The following MAU2 variants were observed in gnomAD, a reference collection of about 807,000 sequenced individuals.
MAU2 encodes MAU2 chromatid cohesion factor homolog.
Under a neutral mutation model 89.1 loss-of-function variants are expected in MAU2, and 9 were observed. The observed-to-expected ratio is 0.10, with a 90% CI of 0.06 to 0.18. MAU2 has a LOEUF of 0.18. Among genes scored for constraint, MAU2 ranks in the 10% least tolerant of loss-of-function variants. MAU2 has a pLI of 1.00. For synonymous variants in MAU2, 357 were observed against 343.4 expected (o/e 1.04, Z -0.44); for missense variants, 425 against 803.5 (o/e 0.53, Z 5.69).
In MAU2 at chr19:19,339,557, GT is replaced by G. The variant is rs912817658; in HGVS notation, c.551+628del. ...GTCCACCGCCGCGTTTTTTTTTGTT[GT>G]TTTTTTTTTGTAGAGATAGGGTCTC... On this transcript the variant is annotated intron_variant, in intron 5 of 18. Coordinates refer to ENST00000262815, the MANE Select transcript of MAU2 (RefSeq NM_015329.4). 1.1e-3 allele frequency: 158 copies of G among 147,174 alleles called. 3 individuals carry two copies. The East Asian group carries it at 0.028, about 26-fold the overall frequency. The allele number at this position is 147,174 out of a possible 1,614,324, so 9.1% of individuals were successfully genotyped here.
chr19:19,337,144 T>G (rs1044196380), intron 3 of MAU2, 26 bp from the exon 4 acceptor site: 4 of 1,552,402 alleles, frequency 2.6e-6, no homozygotes, highest in Admixed American at 1.7e-5. Context: ...TTTCTTACAT[T>G]CCCAAACGTG....
In MAU2 at chr19:19,336,133, C is replaced by T. The variant is rs1199690679; in HGVS notation, c.306C>T (p.Phe102=). The T allele has an allele frequency of 2.5e-6, 4 of 1,612,818 alleles. No individual in the cohort carries two copies. Among genetic ancestry groups the T allele is most frequent in the South Asian group, 1.1e-5 (1 of 91,020 alleles). ...CTGGACGTCACTAGATCCCGCAGTT[C>T]GAAGATGTTAAATTTGAAGCAGCAA... ...AWLISQQIPQ[F]EDVKFEAASL... The change falls in exon 3 of 19, where the codon TTC becomes TTT. Residue 102 remains phenylalanine, a synonymous_variant. Coordinates refer to ENST00000262815, the MANE Select transcript of MAU2 (RefSeq NM_015329.4).
rs563692778 is a variant in MAU2 at position 19,348,492 on chromosome 19, G to A, written c.1309-397G>A. The A allele has an allele frequency of 1.0e-3, 383 of 365,326 alleles. 1 individual carries two copies. Among genetic ancestry groups the A allele is most frequent in the African/African-American group, 4.6e-3 (218 of 47,318 alleles). 22.6% of individuals were successfully genotyped at this position (365,326 alleles called of 1,614,324 possible). On this transcript the variant is annotated intron_variant, in intron 13 of 18. Coordinates refer to ENST00000262815, the MANE Select transcript of MAU2 (RefSeq NM_015329.4). The stretch of plus-strand genomic sequence containing the variant: ...GCAGCTAAATTATCAGTCAGATCAC[G>A]CCCCCATCAGAGCCTCCCGGGGTCC...
intron 1 of MAU2, among the ~76,000 whole-genome samples, chr19:19,326,090 C>T (rs532951277): frequency 6.6e-6 from 1 of 151,058 alleles, no homozygotes; most frequent in South Asian, 2.1e-4. Flanking sequence ...AACCTCCGCC[C>T]TCCGGGTTCA....
In MAU2 at chr19:19,358,545, T is replaced by C. The variant is rs2048204241; in HGVS notation, c.*2763T>C. 6.6e-6 allele frequency: 1 copy of C among 152,270 alleles called. No individual in the cohort carries two copies. Among genetic ancestry groups the C allele is most frequent in the Admixed American group, 6.5e-5 (1 of 15,286 alleles). The allele number at this position is 152,270 out of a possible 1,614,324, so 9.4% of individuals were successfully genotyped here. On this transcript the variant is annotated 3_prime_UTR_variant, in exon 19 of 19. Transcript: ENST00000262815. Reference sequence around the variant, plus strand: ...CTCTTCGTTTTGTTAAGGTTTTTAATAAGTACGTTTGGCATAATGTCTTTT... The same window carrying C: ...CTCTTCGTTTTGTTAAGGTTTTTAACAAGTACGTTTGGCATAATGTCTTTT...
rs1007286307 is a variant in MAU2 at position 19,358,494 on chromosome 19, A to C, written c.*2712A>C. ...GCCACCCAGCCCAGCATGGTGGCTC[A>C]ATTGGTTGGTTGCGTTGTCAGTTGT... is the stretch of plus-strand genomic sequence containing the variant. On this transcript the variant is annotated 3_prime_UTR_variant, in exon 19 of 19. Transcript: ENST00000262815. 5.3e-5 allele frequency: 8 copies of C among 152,152 alleles called. No homozygotes were observed. The highest frequency in any genetic ancestry group is 1.2e-4 in the Non-Finnish European group (8 of 68,024). 9.4% of individuals were successfully genotyped at this position (152,152 alleles called of 1,614,324 possible). A position where few individuals can be genotyped will look rare whatever the true frequency, so the allele number is the denominator to read the frequency against.
At chr19:19,354,600 C>T in intron 17 of MAU2, 155 bp downstream of exon 17, 1 of 670,174 alleles carries the variant, frequency 1.5e-6, no homozygotes, top group Non-Finnish European at 2.6e-6. Flanking sequence ...CCTCAGGAGA[C>T]CCTGGTTGAG....
chr19:19,346,459 C>A (rs111293233), intron 12 of MAU2, among the ~76,000 whole-genome samples: 3,154 of 152,256 alleles, frequency 0.021, 113 homozygotes, highest in African/African-American at 0.072. Context: ...AGTGATGGAG[C>A]CAGGATGCAA....
intron 9 of MAU2, 23 bp downstream of exon 9, chr19:19,342,889 C>T (rs1230455329): frequency 1.2e-6 from 2 of 1,612,002 alleles, no homozygotes; most frequent in Admixed American, 3.3e-5. Flanking sequence ...CTCGGCTGGC[C>T]ACATGGCCAC....
chr19:19,330,070 C>G (rs2061543832), intron 1 of MAU2, among the ~76,000 whole-genome samples: 1 of 151,864 alleles, frequency 6.6e-6, no homozygotes, highest in Non-Finnish European at 1.5e-5. Flanking sequence ...ACTTCTGCCT[C>G]CTGGGCTCAT....
chr19:19,348,933 T>C lies in MAU2; in HGVS notation c.1353T>C (p.Pro451=), dbSNP rs755960507. 1.9e-6 allele frequency: 3 copies of C among 1,613,636 alleles called. No homozygotes were observed. The highest frequency in any genetic ancestry group is 2.2e-5 in the South Asian group (2 of 91,072). Residue 451 remains proline (P), a synonymous_variant, in exon 14 of 19, where the codon CCT becomes CCC. Transcript: ENST00000262815. ...GGATCAACCCGGACCACAGCTTCCC[T>C]GTCAGGTGAGCCGCTCCAGGCACCA... The part of the protein sequence containing the change: ...LERINPDHSF[P]VSSHCLRAAA...
At chr19:19,336,326 G>A (rs529821554) in intron 3 of MAU2, 139 bp downstream of exon 3, 14 of 629,006 alleles carry the variant, frequency 2.2e-5, no homozygotes, top group Middle Eastern at 3.3e-4. Flanking sequence ...GGGAGGACAG[G>A]GTCTCACTCT....
In MAU2 at chr19:19,355,918, GC is replaced by G; in HGVS notation, c.*138del. The stretch of plus-strand genomic sequence containing the variant: ...CTTCCAAGTCCTGGGAATGTGCGGG[GC>G]CAGTCCCTGCCCTCCCAGGAGGGGT... On this transcript the variant is annotated 3_prime_UTR_variant, in exon 19 of 19. Coordinates refer to ENST00000262815, the MANE Select transcript of MAU2 (RefSeq NM_015329.4). 1 of 844,864 alleles carries G rather than the reference GC, an allele frequency of 1.2e-6. No homozygotes were observed. Among genetic ancestry groups the G allele is most frequent in the Non-Finnish European group, 2.0e-6 (1 of 510,488 alleles). The allele number at this position is 844,864 out of a possible 1,614,324, so 52.3% of individuals were successfully genotyped here.
At chr19:19,346,047 C>T (rs1568663797) in intron 12 of MAU2, among the ~76,000 whole-genome samples, 1 of 152,130 alleles carries the variant, frequency 6.6e-6, no homozygotes, top group South Asian at 2.1e-4. Context: ...GTCTGCCACT[C>T]GGGCAAGGTC....
At position 19,345,591 on chromosome 19, in the gene MAU2, A is replaced by G. The variant is rs542394684; in HGVS notation, c.1221+222A>G. Among the ~76,000 whole-genome samples, 1 of 152,316 alleles carries G rather than the reference A, an allele frequency of 6.6e-6. No homozygotes were observed. Among genetic ancestry groups the G allele is most frequent in the South Asian group, 2.1e-4 (1 of 4,824 alleles). ...GCCAGGGGCTTCCTGAGCTGACCCAAGGGCAGACGTGAGGGAGAGGTGCGA... is the reference window on the plus strand; with the variant it reads ...GCCAGGGGCTTCCTGAGCTGACCCAGGGGCAGACGTGAGGGAGAGGTGCGA... On this transcript the variant is annotated intron_variant, in intron 12 of 18. Coordinates refer to ENST00000262815, the MANE Select transcript of MAU2 (RefSeq NM_015329.4). The surrounding 1 kb of genome is among the most constrained non-coding windows in gnomAD (Gnocchi z 4.9).
At chr19:19,347,408 C>G (rs754129133) in intron 13 of MAU2, 42 bp downstream of exon 13, 3 of 1,519,812 alleles carry the variant, frequency 2.0e-6, no homozygotes, top group African/African-American at 1.4e-5. Flanking sequence ...TCTCTCTGTT[C>G]TCTTCTTTTT....
chr19:19,335,829 C>T, intron 2 of MAU2, 94 bp downstream of exon 2: 3 of 1,439,870 alleles, frequency 2.1e-6, no homozygotes, highest in Non-Finnish European at 2.9e-6. Context: ...CCCGACATGC[C>T]CTGTGAGTTG....
At position 19,344,946 on chromosome 19, in the gene MAU2, C is replaced by A; in HGVS notation, c.1155+20C>A. 1 of 1,610,398 alleles carries A rather than the reference C, an allele frequency of 6.2e-7. No individual in the cohort carries two copies. Among genetic ancestry groups the A allele is most frequent in the South Asian group, 1.1e-5 (1 of 91,002 alleles). On this transcript the variant is annotated intron_variant, in intron 11 of 18. Transcript: ENST00000262815. The stretch of plus-strand genomic sequence containing the variant: ...TTGCTGGTGAGTAACCCTGTGACAA[C>A]ACCCCGGGAGAATCCAGAATGTTCT...
At chr19:19,354,604 G>A in intron 17 of MAU2, 159 bp downstream of exon 17, 1 of 654,664 alleles carries the variant, frequency 1.5e-6, no homozygotes. Context: ...AGGAGACCCT[G>A]GTTGAGGGCA....
Sources: allele counts gnomAD v4.1 joint callset (sites outside exome capture counted in the v4.1 genomes callset), GRCh38; gene constraint gnomAD v4.1.1; non-coding constraint Gnocchi (gnomAD v3.1); transcripts MANE v1.5; gene names NCBI Gene and HGNC (gene_info 2026-07-23, HGNC 2026-07-21).